Variants in NBAS observed in about 807,000 individuals in gnomAD.
The protein encoded by NBAS is NAG/BC035112 fusion.
In NBAS, 219 loss-of-function variants were observed where a neutral mutation model predicts 302.5. That is an observed-to-expected ratio of 0.72 (90% CI 0.65 to 0.81). NBAS has a LOEUF of 0.81. Ranked by LOEUF, NBAS falls within the 30% of genes least tolerant of loss-of-function variation. The probability of loss-of-function intolerance (pLI) is 0.00; values close to 1 mark genes in which losing one functional copy is unlikely to be tolerated. For missense variants in NBAS, 2,932 were observed against 2,841.6 expected, an observed-to-expected ratio of 1.03 and a Z score of -0.72; for synonymous variants, 1,118 against 1,021.6, an observed-to-expected ratio of 1.09 and a Z score of -1.80.
chr2:15,468,073 T>C (rs963403728), intron 17 of NBAS, among the ~76,000 whole-genome samples: 1 of 152,232 alleles, frequency 6.6e-6, no homozygotes, highest in Non-Finnish European at 1.5e-5. Flanking sequence ...ATTCACTCAA[T>C]GTAAAGCAGC....
At chr2:15,122,934 T>C in the NBAS span, among the ~76,000 whole-genome samples, 170 of 146,882 alleles carry the variant, frequency 1.2e-3, no homozygotes, top group African/African-American at 4.4e-3. Flanking sequence ...TACATCCTAA[T>C]GTGGTGTGGT....
chr2:15,050,796 T>C, the NBAS span, among the ~76,000 whole-genome samples: 1 of 152,136 alleles, frequency 6.6e-6, no homozygotes, highest in Non-Finnish European at 1.5e-5. Flanking sequence ...CTTGAGCAAG[T>C]TCTGTAACCT....
chr2:14,832,223 C>G, the NBAS span, among the ~76,000 whole-genome samples: 1 of 152,170 alleles, frequency 6.6e-6, no homozygotes, highest in Non-Finnish European at 1.5e-5. Context: ...AGAACTTAAA[C>G]AGAGAAGGAG....
At chr2:15,255,138 C>T (rs1314276828) in intron 44 of NBAS, among the ~76,000 whole-genome samples, 1 of 152,180 alleles carries the variant, frequency 6.6e-6, no homozygotes, top group Middle Eastern at 3.2e-3. Context: ...AAGGAATCTC[C>T]AGTACTGTTT....
the NBAS span, among the ~76,000 whole-genome samples, chr2:14,942,425 C>T: frequency 2.0e-5 from 3 of 152,104 alleles, no homozygotes; most frequent in African/African-American, 7.2e-5. Flanking sequence ...CACCTCACCC[C>T]TCACTCTTTT....
At chr2:14,806,240 A>G in the NBAS span, among the ~76,000 whole-genome samples, 671 of 152,226 alleles carry the variant, frequency 4.4e-3, 2 homozygotes, top group Middle Eastern at 0.017. Context: ...CCACCACCCT[A>G]GATTTCCAGA....
At chr2:15,058,914 CCTT>C in the NBAS span, among the ~76,000 whole-genome samples, 1 of 152,182 alleles carries the variant, frequency 6.6e-6, no homozygotes, top group Non-Finnish European at 1.5e-5. Context: ...TTCCTTCTGA[CCTT>C]CTTGCTCTTT....
chr2:15,400,469 A>G lies in NBAS; in HGVS notation c.3071+1699T>C, dbSNP rs548742432. Among the ~76,000 whole-genome samples, 62 of 152,300 alleles carry G rather than the reference A, an allele frequency of 4.1e-4. No homozygotes were observed. The South Asian group carries it at 9.7e-3, about 24-fold the overall frequency. On this transcript the variant is annotated intron_variant, in intron 26 of 51. Coordinates refer to ENST00000281513, the MANE Select transcript of NBAS (RefSeq NM_015909.4). ...CTGGAGAATGGTAGGAGAAGTGGAT[A>G]TGGGAGAAGGGAAAGGACTTCCATA...
At chr2:14,948,757 G>A in the NBAS span, among the ~76,000 whole-genome samples, 717 of 151,896 alleles carry the variant, frequency 4.7e-3, 17 homozygotes, top group Admixed American at 0.042. Flanking sequence ...AATGTATACA[G>A]AACCACAAGA....
chr2:14,820,841 G>T, the NBAS span, among the ~76,000 whole-genome samples: 1 of 152,164 alleles, frequency 6.6e-6, no homozygotes, highest in East Asian at 1.9e-4. Context: ...TTACAGCAGT[G>T]CTCTGTGGGC....
At chr2:15,449,887 T>C (rs1429923468) in intron 21 of NBAS, among the ~76,000 whole-genome samples, 5 of 152,224 alleles carry the variant, frequency 3.3e-5, no homozygotes. Flanking sequence ...TTATTGTTTT[T>C]TCCTCACAGC....
At chr2:15,542,859 C>T (rs1419163755) in intron 6 of NBAS, among the ~76,000 whole-genome samples, 5 of 151,814 alleles carry the variant, frequency 3.3e-5, no homozygotes, top group Admixed American at 6.5e-5. Flanking sequence ...ATTCTATGCA[C>T]TGCATTGCAT....
rs141645861 is a variant in NBAS, at chr2:15,390,880, C to T, written c.3257+3347G>A. On this transcript the variant is annotated intron_variant, in intron 28 of 51. Coordinates refer to ENST00000281513, the MANE Select transcript of NBAS (RefSeq NM_015909.4). The stretch of plus-strand genomic sequence containing the variant: ...CTGTAATCCCAGCACTTTGGAAGGC[C>T]GAGGCAGGTGGATCACCAGGTCAGG... Among the ~76,000 whole-genome samples, 1,038 of 152,038 alleles carry T rather than the reference C, an allele frequency of 6.8e-3. 12 individuals carry two copies. Among genetic ancestry groups the T allele is most frequent in the African/African-American group, 0.022 (929 of 41,496 alleles).
At position 15,287,168 on chromosome 2, in the gene NBAS, G is replaced by T. The variant is rs775578103; in HGVS notation, c.5043C>A (p.Ser1681Arg). ...CCAGAGAAATAGCAATGCTGTAGAC[G>T]CTTTCCTCTAGAGTTCTGCAGAAAT... ...ILGLAETLEE[S>R]VYSIAISLAQ... Residue 1681 changes from serine (S) to arginine (R), a missense_variant, in exon 42 of 52, where the codon AGC becomes AGA. Coordinates refer to ENST00000281513, the MANE Select transcript of NBAS (RefSeq NM_015909.4). 1 of 1,613,744 alleles carries T rather than the reference G, an allele frequency of 6.2e-7. No homozygotes were observed. Among genetic ancestry groups the T allele is most frequent in the East Asian group, 2.2e-5 (1 of 44,876 alleles).
At chr2:15,352,954 C>G (rs559635178) in intron 34 of NBAS, among the ~76,000 whole-genome samples, 6 of 152,220 alleles carry the variant, frequency 3.9e-5, no homozygotes, top group Admixed American at 1.3e-4. Context: ...CCTGACTTTC[C>G]TGGTGGGGTG....
At chr2:15,472,508 A>T (rs1029223600) in intron 16 of NBAS, among the ~76,000 whole-genome samples, 6 of 152,136 alleles carry the variant, frequency 3.9e-5, no homozygotes, top group African/African-American at 1.4e-4. Flanking sequence ...GCCTTGAGCC[A>T]CATGCATGCT....
Position 15,352,131 on chromosome 2 carries a change from C to T in NBAS, c.4090-50G>A, listed in dbSNP as rs1304470800. ...TAAAGGAGTTACGTTTTTAAATTTG[C>T]TTCTCATCACAATATAGGCTTGAAA... is the stretch of plus-strand genomic sequence containing the variant. On this transcript the variant is annotated intron_variant, in intron 34 of 51. Coordinates refer to ENST00000281513, the MANE Select transcript of NBAS (RefSeq NM_015909.4). 3.1e-6 allele frequency: 4 copies of T among 1,280,774 alleles called. No individual in the cohort carries two copies. The East Asian group carries it at 7.0e-5, about 22-fold the overall frequency. The allele number at this position is 1,280,774 out of a possible 1,614,324, so 79.3% of individuals were successfully genotyped here.
the NBAS span, among the ~76,000 whole-genome samples, chr2:14,828,041 A>G: frequency 6.6e-6 from 1 of 152,202 alleles, no homozygotes; most frequent in African/African-American, 2.4e-5. Flanking sequence ...ACATACTATA[A>G]TCTCAGTTAT....
At chr2:15,544,078 C>T (rs577866548) in intron 6 of NBAS, among the ~76,000 whole-genome samples, 1 of 152,270 alleles carries the variant, frequency 6.6e-6, no homozygotes, top group Non-Finnish European at 1.5e-5. Flanking sequence ...TACCACAAGA[C>T]ACCTGGGTAT....
Sources: allele counts gnomAD v4.1 joint callset (sites outside exome capture counted in the v4.1 genomes callset), GRCh38; gene constraint gnomAD v4.1.1; transcripts MANE v1.5; gene names NCBI Gene and HGNC (gene_info 2026-07-23, HGNC 2026-07-21).